The following DEFB114 variants were observed in gnomAD, a reference collection of about 807,000 sequenced individuals.
DEFB114 encodes the protein defensin beta 114.
Under a neutral mutation model 2.4 loss-of-function variants are expected in DEFB114, and 4 were observed. The ratio of observed to expected loss-of-function variants is 1.67; its 90% CI spans 0.82 to 3.82. The LOEUF (loss-of-function observed/expected upper bound fraction) is 3.82. Among genes scored for constraint, DEFB114 ranks in the 30% most tolerant of loss-of-function variants. The pLI, the probability that DEFB114 is intolerant of heterozygous loss-of-function variation, is 0.01. For missense variants in DEFB114, 113 were observed against 85.8 expected (o/e 1.32, Z -1.25); for synonymous variants, 35 against 24.6 (o/e 1.42, Z -1.26).
At chr6:49,963,996 A>T in intron 1 of DEFB114, 55 bp downstream of exon 1, 3 of 1,285,566 alleles carry the variant, frequency 2.3e-6, no homozygotes, top group Non-Finnish European at 3.3e-6. Context: ...ATAATTTATT[A>T]TTTCTATTTC....
chr6:49,960,784 T>C (rs1263766112), intron 1 of DEFB114, among the ~76,000 whole-genome samples: 1 of 150,858 alleles, frequency 6.6e-6, no homozygotes, highest in Non-Finnish European at 1.5e-5. Flanking sequence ...CAGACAATCA[T>C]ATCATATCTA....
At chr6:49,963,405 T>C (rs1003721204) in intron 1 of DEFB114, among the ~76,000 whole-genome samples, 4 of 150,136 alleles carry the variant, frequency 2.7e-5, no homozygotes, top group Non-Finnish European at 6.0e-5. Flanking sequence ...TTTTCTCTAG[T>C]GTCTGTTTTC....
rs147170365 is a variant in DEFB114, at chr6:49,962,605, T to C, written c.55+1446A>G. ...TTCCAAATTTTAATGTAGTCAATAC[T>C]ATTTTTTCTACTGATTAAGAAATAC... is the stretch of plus-strand genomic sequence containing the variant. On this transcript the variant is annotated intron_variant, in intron 1 of 1. Coordinates refer to ENST00000322066, the MANE Select transcript of DEFB114 (RefSeq NM_001037499.2). Among the ~76,000 whole-genome samples the C allele has an allele frequency of 4.9e-3, 732 of 150,614 alleles. 13 individuals are homozygous for C. The highest frequency in any genetic ancestry group is 6.6e-3 in the East Asian group (34 of 5,142).
In DEFB114 at chr6:49,960,278, G is replaced by A. The variant is rs1296315594; in HGVS notation, c.*14C>T. The A allele has an allele frequency of 6.3e-6, 10 of 1,594,252 alleles. No homozygotes were observed. Among genetic ancestry groups the A allele is most frequent in the African/African-American group, 1.4e-5 (1 of 73,460 alleles). On this transcript the variant is annotated 3_prime_UTR_variant, in exon 2 of 2. Coordinates refer to ENST00000322066, the MANE Select transcript of DEFB114 (RefSeq NM_001037499.2). ...GCACATGTAACTTCTTTGTTCAGAG[G>A]TATGCCTTTCTTTTCAAAACATATC...
chr6:49,963,658 A>G lies in DEFB114; in HGVS notation c.55+393T>C, dbSNP rs1278482639. 1.1e-4 allele frequency among the ~76,000 whole-genome samples: 16 copies of G among 149,958 alleles called. No individual in the cohort carries two copies. The Admixed American group carries it at 1.1e-3, about 10-fold the overall frequency. On this transcript the variant is annotated intron_variant, in intron 1 of 1. Transcript: ENST00000322066. ...ATTTGATCATCTTATAGATTCTGTT[A>G]TTGATATTCCAAGAAATATACACTG...
In DEFB114 at chr6:49,961,750, C is replaced by T. The variant is rs73737272; in HGVS notation, c.56-1304G>A. Among the ~76,000 whole-genome samples, 406 of 150,766 alleles carry T rather than the reference C, an allele frequency of 2.7e-3. 1 individual carries two copies. The highest frequency in any genetic ancestry group is 9.1e-3 in the African/African-American group (376 of 41,382). ...CCCAAGTCAAGAAATAGAACATTTC[C>T]GGCACACTTGTGCCCCCTTACAGTT... On this transcript the variant is annotated intron_variant, in intron 1 of 1. Transcript: ENST00000322066.
At chr6:49,961,120 AGTT>A (rs1290912685) in intron 1 of DEFB114, among the ~76,000 whole-genome samples, 3 of 150,648 alleles carry the variant, frequency 2.0e-5, no homozygotes, top group Admixed American at 6.6e-5. Flanking sequence ...GGTCTTCCTT[AGTT>A]GTTGTTTTTT....
At position 49,960,407 on chromosome 6, in the gene DEFB114, C is replaced by A. The variant is rs141697166; in HGVS notation, c.95G>T (p.Arg32Leu). 60 of 1,606,766 alleles carry A rather than the reference C, an allele frequency of 3.7e-5. No homozygotes were observed. Among genetic ancestry groups the A allele is most frequent in the Non-Finnish European group, 5.1e-5 (60 of 1,175,836 alleles). The change falls in exon 2 of 2, where the codon CGT becomes CTT. Residue 32 changes from arginine to leucine, a missense_variant. Transcript: ENST00000322066. The part of the protein sequence containing the change: ...TLVNADRCTK[R>L]YGRCKRDCLE... Reference sequence around the variant, plus strand: ...ACAGTCTCTTTTACAACGACCGTAACGTTTGGTGCAACGATCAGCATTCAC... The same window carrying A: ...ACAGTCTCTTTTACAACGACCGTAAAGTTTGGTGCAACGATCAGCATTCAC...
At position 49,960,351 on chromosome 6, in the gene DEFB114, A is replaced by G; in HGVS notation, c.151T>C (p.Ser51Pro). ...GTGCAGCAAATTTTTCTTGGTAAGG[A>G]ACATATGTCTATTTGCTTTTCACTC... ...LESEKQIDIC[S>P]LPRKICCTEK... is the part of the protein sequence containing the mutation. Residue 51 changes from serine (S) to proline (P), a missense_variant, in exon 2 of 2, where the codon TCC becomes CCC. Coordinates refer to ENST00000322066, the MANE Select transcript of DEFB114 (RefSeq NM_001037499.2). 6.2e-7 allele frequency: 1 copy of G among 1,608,156 alleles called. No individual in the cohort carries two copies. Among genetic ancestry groups the G allele is most frequent in the Non-Finnish European group, 8.5e-7 (1 of 1,176,526 alleles).
chr6:49,962,282 G>A, intron 1 of DEFB114, among the ~76,000 whole-genome samples: 1 of 150,248 alleles, frequency 6.7e-6, no homozygotes, highest in East Asian at 1.9e-4. Flanking sequence ...ATTATGATGT[G>A]AATGTAGACA....
chr6:49,963,375 A>G (rs1047990917), intron 1 of DEFB114, among the ~76,000 whole-genome samples: 7 of 150,112 alleles, frequency 4.7e-5, no homozygotes, highest in African/African-American at 1.7e-4. Flanking sequence ...TTTTCAAAAA[A>G]CAAAATGTGG....
intron 1 of DEFB114, 88 bp from the exon 2 acceptor site, chr6:49,960,534 T>C: frequency 7.3e-7 from 1 of 1,372,450 alleles, no homozygotes; most frequent in Non-Finnish European, 9.7e-7. Context: ...GTGTACATTG[T>C]ATCAAGTTTA....
At position 49,960,408 on chromosome 6, in the gene DEFB114, G is replaced by T. The variant is rs146335986; in HGVS notation, c.94C>A (p.Arg32Ser). Residue 32 changes from arginine to serine, a missense_variant, in exon 2 of 2, where the codon CGT (arginine) becomes AGT (serine). Coordinates refer to ENST00000322066, the MANE Select transcript of DEFB114 (RefSeq NM_001037499.2). ...CAGTCTCTTTTACAACGACCGTAACGTTTGGTGCAACGATCAGCATTCACC... is the reference window on the plus strand; with the variant it reads ...CAGTCTCTTTTACAACGACCGTAACTTTTGGTGCAACGATCAGCATTCACC... ...TLVNADRCTKRYGRCKRDCLE... is the reference protein window; with the variant it reads ...TLVNADRCTKSYGRCKRDCLE... 4 of 1,606,686 alleles carry T rather than the reference G, an allele frequency of 2.5e-6. No homozygotes were observed. Among genetic ancestry groups the T allele is most frequent in the Non-Finnish European group, 2.6e-6 (3 of 1,175,756 alleles).
chr6:49,963,134 A>G (rs1319401690), intron 1 of DEFB114, among the ~76,000 whole-genome samples: 1 of 150,268 alleles, frequency 6.7e-6, no homozygotes. Flanking sequence ...AAATAAAAGG[A>G]TGTTTCTAAC....
chr6:49,961,780 T>C (rs1310626828), intron 1 of DEFB114, among the ~76,000 whole-genome samples: 1 of 150,780 alleles, frequency 6.6e-6, no homozygotes, highest in Non-Finnish European at 1.5e-5. Flanking sequence ...ACAGTTACTA[T>C]TCCTTTCACT....
chr6:49,960,966 T>C (rs1252924220), intron 1 of DEFB114, among the ~76,000 whole-genome samples: 1 of 150,870 alleles, frequency 6.6e-6, no homozygotes, highest in Non-Finnish European at 1.5e-5. Context: ...TTTATTTATG[T>C]TGAATACTTT....
At chr6:49,960,559 A>T (rs957712637) in intron 1 of DEFB114, 113 bp from the exon 2 acceptor site, 7 of 1,149,840 alleles carry the variant, frequency 6.1e-6, no homozygotes, top group African/African-American at 4.8e-5. Context: ...ATACCAAAAA[A>T]AAATAAATCC....
chr6:49,960,894 T>C (rs565547118), intron 1 of DEFB114, among the ~76,000 whole-genome samples: 3 of 150,854 alleles, frequency 2.0e-5, no homozygotes, highest in South Asian at 2.1e-4. Context: ...AATTTTAGAG[T>C]TTTGGTACTG....
Position 49,960,453 on chromosome 6 carries a change from TAAAAGAAGAGTAACAG to T in DEFB114, c.56-23_56-8del. 1.9e-6 allele frequency: 3 copies of T among 1,580,594 alleles called. No homozygotes were observed. The highest frequency in any genetic ancestry group is 2.6e-6 in the Non-Finnish European group (3 of 1,167,614). ...TTCACCAAGGTACATGTGGCTACGG[TAAAAGAAGAGTAACAG>T]AAATTCTAATCTTTTATTTAAGCAT... is the stretch of plus-strand genomic sequence containing the variant. On this transcript the variant is annotated splice_polypyrimidine_tract_variant and splice_region_variant and intron_variant, in intron 1 of 1. Transcript: ENST00000322066.
Sources: allele counts gnomAD v4.1 joint callset (sites outside exome capture counted in the v4.1 genomes callset), GRCh38; gene constraint gnomAD v4.1.1; transcripts MANE v1.5; gene names NCBI Gene and HGNC (gene_info 2026-07-23, HGNC 2026-07-21).